RELN: variants seen among roughly 807,000 people sequenced by gnomAD.
The protein encoded by RELN is reelin.
Under a neutral mutation model 427.6 loss-of-function variants are expected in RELN, and 108 were observed. The ratio of observed to expected loss-of-function variants is 0.25; its 90% CI spans 0.22 to 0.30. RELN has a LOEUF of 0.30. RELN is among the 10% of genes least tolerant of loss of function. The pLI is 1.00. For synonymous variants in RELN, 1,524 were observed against 1,513.4 expected (o/e 1.01, Z -0.16); for missense variants, 3,715 against 4,302.8 (o/e 0.86, Z 3.82).
chr7:103,712,391 CA>C (rs1165351840), intron 8 of RELN, among the ~76,000 whole-genome samples: 1 of 152,126 alleles, frequency 6.6e-6, no homozygotes, highest in East Asian at 1.9e-4. Flanking sequence ...CTTAAAAATA[CA>C]AATATTAGTA....
chr7:103,679,095 T>C (rs1833600496), intron 11 of RELN, among the ~76,000 whole-genome samples: 1 of 152,190 alleles, frequency 6.6e-6, no homozygotes, highest in African/African-American at 2.4e-5. Context: ...AATTATTATA[T>C]CAGCATTATT....
intron 11 of RELN, among the ~76,000 whole-genome samples, chr7:103,663,647 T>C (rs774308723): frequency 2.6e-4 from 39 of 152,182 alleles, no homozygotes; most frequent in Admixed American, 2.0e-3. Flanking sequence ...ACTGCTACTA[T>C]TGCTGCCAGG....
intron 3 of RELN, among the ~76,000 whole-genome samples, chr7:103,817,424 G>T (rs906471008): frequency 3.3e-5 from 5 of 152,122 alleles, no homozygotes; most frequent in Admixed American, 3.3e-4. Context: ...TTGAGATAAG[G>T]CTCTGCTTTT....
chr7:103,709,334 A>G (rs1789731300), intron 8 of RELN, among the ~76,000 whole-genome samples: 1 of 152,210 alleles, frequency 6.6e-6, no homozygotes, highest in African/African-American at 2.4e-5. Flanking sequence ...TCTGTTTAAT[A>G]TCTTTCCCTG....
At chr7:103,929,597 T>C (rs545708504) in intron 1 of RELN, among the ~76,000 whole-genome samples, 2 of 152,272 alleles carry the variant, frequency 1.3e-5, no homozygotes, top group South Asian at 2.1e-4. Flanking sequence ...CATTATAACA[T>C]TGAACTCATG....
intron 4 of RELN, among the ~76,000 whole-genome samples, chr7:103,772,553 A>G (rs1791595909): frequency 6.6e-6 from 1 of 152,130 alleles, no homozygotes; most frequent in Admixed American, 6.5e-5. Flanking sequence ...GTTATGTATG[A>G]GGGTTGTCTA....
At chr7:103,500,031 G>A (rs1828973700) in intron 53 of RELN, among the ~76,000 whole-genome samples, 1 of 152,124 alleles carries the variant, frequency 6.6e-6, no homozygotes, top group Non-Finnish European at 1.5e-5. Context: ...TGACAGAACA[G>A]GTTTGATTTA....
chr7:103,851,041 T>G (rs1034289797), intron 2 of RELN, among the ~76,000 whole-genome samples: 7 of 152,230 alleles, frequency 4.6e-5, no homozygotes, highest in Non-Finnish European at 8.8e-5. Context: ...GGCGTATTTA[T>G]TGCAGAACAA....
At chr7:103,908,511 T>A (rs6465945) in intron 2 of RELN, among the ~76,000 whole-genome samples, 36,173 of 152,032 alleles carry the variant, frequency 0.24, 5,056 homozygotes, top group African/African-American at 0.38. Flanking sequence ...GCCTAACTCC[T>A]GAGTTCACGT....
In RELN at chr7:103,517,866, C is replaced by T. The variant is rs1829604194; in HGVS notation, c.7862+1457G>A. ...TCGCCCAGAATAAAGACAGCATGTC[C>T]AGCCTTCCTTGCATCTGGGTGTGGC... On this transcript the variant is annotated intron_variant, in intron 49 of 64. Coordinates refer to ENST00000428762, the MANE Select transcript of RELN (RefSeq NM_005045.4). Among the ~76,000 whole-genome samples the T allele has an allele frequency of 4.6e-5, 7 of 152,200 alleles. No homozygotes were observed. In the South Asian group the frequency reaches 1.5e-3, roughly 32 times the overall value.
At chr7:103,581,319 AT>A (rs1234471366) in intron 28 of RELN, among the ~76,000 whole-genome samples, 1 of 151,974 alleles carries the variant, frequency 6.6e-6, no homozygotes, top group East Asian at 1.9e-4. Flanking sequence ...TATTATTATT[AT>A]TTTTGAGTGG....
At chr7:103,638,996 T>A (rs1474874419) in intron 17 of RELN, among the ~76,000 whole-genome samples, 2 of 152,168 alleles carry the variant, frequency 1.3e-5, no homozygotes, top group Non-Finnish European at 2.9e-5. Flanking sequence ...TCTAGGTAAT[T>A]TTTTTCCCCA....
At chr7:103,923,747 C>G (rs904033332) in intron 1 of RELN, among the ~76,000 whole-genome samples, 1 of 152,066 alleles carries the variant, frequency 6.6e-6, no homozygotes, top group Non-Finnish European at 1.5e-5. Context: ...TCCAGAGGAG[C>G]ATTGCTAAAT....
intron 49 of RELN, 69 bp from the exon 50 acceptor site, chr7:103,515,510 T>G: frequency 6.3e-7 from 1 of 1,577,054 alleles, no homozygotes; most frequent in Non-Finnish European, 8.6e-7. Context: ...AGTAAAAGAT[T>G]TACAACCAGC....
intron 3 of RELN, among the ~76,000 whole-genome samples, chr7:103,811,732 A>G (rs1792747947): frequency 6.6e-6 from 1 of 152,270 alleles, no homozygotes; most frequent in African/African-American, 2.4e-5. Flanking sequence ...AAACAATTTC[A>G]TAAGGGCAAA....
chr7:103,497,973 ATACTC>A (rs751522982), intron 54 of RELN, 47 bp from the exon 55 acceptor site: 19 of 1,603,518 alleles, frequency 1.2e-5, no homozygotes, highest in East Asian at 2.2e-5. Context: ...ATTAGAACAA[ATACTC>A]TACTCAAGTC....
rs779534888 is a variant in RELN, at chr7:103,989,385, G to A, written c.-29C>T. On this transcript the variant is annotated 5_prime_UTR_variant, in exon 1 of 65. Transcript: ENST00000428762. The surrounding 1 kb of genome is among the most constrained non-coding windows in gnomAD (Gnocchi z 4.9). ...GCCGCCGCCGCCGCCGCCGCCGCGC[G>A]CCCTACGCGCCGCTCGCTCATTCAG... The A allele has an allele frequency of 9.3e-4, 749 of 804,710 alleles. 6 individuals carry two copies. The highest frequency in any genetic ancestry group is 1.2e-3 in the Non-Finnish European group (703 of 607,952). The allele number at this position is 804,710 out of a possible 1,614,324, so 49.8% of individuals were successfully genotyped here.
chr7:103,815,958 T>C (rs1213576765), intron 3 of RELN, among the ~76,000 whole-genome samples: 1 of 152,230 alleles, frequency 6.6e-6, no homozygotes, highest in Non-Finnish European at 1.5e-5. Flanking sequence ...ATGTACAATA[T>C]CTAGCAAGTT....
Position 103,813,398 on chromosome 7 carries a change from C to G in RELN, c.473+20139G>C, listed in dbSNP as rs1212694820. Among the ~76,000 whole-genome samples the G allele has an allele frequency of 2.0e-5, 3 of 152,062 alleles. No homozygotes were observed. In the East Asian group the frequency reaches 5.8e-4, roughly 29 times the overall value. ...TAAGCAATTCTTCATGAACTTTTCT[C>G]TGAAATAAGTTAGGAAAATGCTAAA... On this transcript the variant is annotated intron_variant, in intron 3 of 64. Coordinates refer to ENST00000428762, the MANE Select transcript of RELN (RefSeq NM_005045.4).
Sources: gnomAD v4.1 joint callset for allele counts (sites outside exome capture counted in the v4.1 genomes callset) on GRCh38, gnomAD v4.1.1 for gene constraint, Gnocchi (gnomAD v3.1) non-coding constraint, MANE v1.5 for transcripts, NCBI Gene and HGNC (gene_info 2026-07-23, HGNC 2026-07-21) for gene names.